Variants in PACSIN3 observed in about 807,000 individuals in gnomAD.
PACSIN3 encodes protein kinase C and casein kinase substrate in neurons protein 3.
A neutral mutation model predicts 56.1 loss-of-function variants in PACSIN3; 34 were observed. That is an observed-to-expected ratio of 0.61 (90% CI 0.46 to 0.81). The LOEUF is 0.81. Ranked by LOEUF, PACSIN3 falls within the 30% of genes least tolerant of loss-of-function variation. The probability of loss-of-function intolerance (pLI) is 0.00; values close to 1 mark genes in which losing one functional copy is unlikely to be tolerated. For missense variants in PACSIN3, 535 were observed against 592.4 expected, an observed-to-expected ratio of 0.90 and a Z score of 1.01; for synonymous variants, 218 against 229.8, an observed-to-expected ratio of 0.95 and a Z score of 0.46.
At position 47,177,954 on chromosome 11, in the gene PACSIN3, A is replaced by G; in HGVS notation, c.1252T>C (p.Tyr418His). ...SGRIGLYPAN[Y>H]VECVGA The stretch of plus-strand genomic sequence containing the variant: ...ACTCAGGCGCCCACACACTCCACGT[A>G]GTTGGCAGGGTACAGGCCAATGCGG... The change falls in exon 11 of 11, where the codon TAC (tyrosine) becomes CAC (histidine). Residue 418 changes from tyrosine (Y) to histidine (H), a missense_variant. By Grantham distance (83) the Tyr-to-His change is moderately conservative (BLOSUM62 2). Transcript: ENST00000298838. The G allele has an allele frequency of 6.2e-7, 1 of 1,613,770 alleles. No homozygotes were observed. The highest frequency in any genetic ancestry group is 1.7e-5 in the Admixed American group (1 of 60,028).
chr11:47,179,214 C>A lies in PACSIN3; in HGVS notation c.845G>T (p.Arg282Leu). ...IEAASDEEDL[R>L]WWRSTHGPGM... is the part of the protein sequence containing the mutation. ...TGGCCCGTGGGTGCTGCGCCACCAG[C>A]GCAGATCCTCTTCGTCACTGGCTGC... is the stretch of plus-strand genomic sequence containing the variant. The change falls in exon 8 of 11, where the codon CGC becomes CTC. Residue 282 changes from arginine (R) to leucine (L), a missense_variant. Coordinates refer to ENST00000298838, the MANE Select transcript of PACSIN3 (RefSeq NM_016223.5). The surrounding 1 kb of genome is among the most constrained non-coding windows in gnomAD (Gnocchi z 4.4). 6.2e-7 allele frequency: 1 copy of A among 1,614,008 alleles called. No homozygotes were observed. Among genetic ancestry groups the A allele is most frequent in the Non-Finnish European group, 8.5e-7 (1 of 1,180,028 alleles).
At position 47,182,275 on chromosome 11, in the gene PACSIN3, G is replaced by A. The variant is rs1953040041; in HGVS notation, c.211+128C>T. On this transcript the variant is annotated intron_variant, in intron 4 of 10. Transcript: ENST00000298838. ...ACACCACAGCCATGAGGATGACCAG[G>A]AGGATCTTCCCTTTCTAAGGGAGGG... 3.0e-5 allele frequency: 26 copies of A among 858,364 alleles called. No homozygotes were observed. The East Asian group carries it at 6.7e-4, about 22-fold the overall frequency. The allele number at this position is 858,364 out of a possible 1,614,324, so 53.2% of individuals were successfully genotyped here. A position where few individuals can be genotyped will look rare whatever the true frequency, so the allele number is the denominator to read the frequency against.
intron 1 of PACSIN3, among the ~76,000 whole-genome samples, chr11:47,183,810 T>C (rs1293894541): frequency 6.6e-6 from 1 of 152,072 alleles, no homozygotes; most frequent in Non-Finnish European, 1.5e-5. Flanking sequence ...TCACCTGAGG[T>C]CAGGAGTTCC....
intron 4 of PACSIN3, among the ~76,000 whole-genome samples, chr11:47,180,946 T>C (rs542677617): frequency 1.3e-5 from 2 of 152,260 alleles, no homozygotes; most frequent in South Asian, 4.1e-4. Context: ...AGATGTGAAC[T>C]CGCCCAAAGC....
chr11:47,177,780 C>T lies in PACSIN3; in HGVS notation c.*151G>A, dbSNP rs925903213. Reference sequence around the variant, plus strand: ...CCAGTCCCTTCCCTAGACAAAGGCCCCTCCCCTCCCTGGGTCCCAGGACTT... The same window carrying T: ...CCAGTCCCTTCCCTAGACAAAGGCCTCTCCCCTCCCTGGGTCCCAGGACTT... On this transcript the variant is annotated 3_prime_UTR_variant, in exon 11 of 11. Coordinates refer to ENST00000298838, the MANE Select transcript of PACSIN3 (RefSeq NM_016223.5). The T allele has an allele frequency of 2.1e-5, 14 of 680,164 alleles. No individual in the cohort carries two copies. In the South Asian group the frequency reaches 2.3e-4, roughly 11 times the overall value. 42.1% of individuals were successfully genotyped at this position (680,164 alleles called of 1,614,324 possible).
In PACSIN3 at chr11:47,182,387, C is replaced by T. The variant is rs1207366036; in HGVS notation, c.211+16G>A. The T allele has an allele frequency of 1.3e-5, 20 of 1,586,234 alleles. No individual in the cohort carries two copies. Among genetic ancestry groups the T allele is most frequent in the Admixed American group, 1.7e-5 (1 of 59,584 alleles). The stretch of plus-strand genomic sequence containing the variant: ...GCACTCAGCTGCCCTCTGCCCCCTG[C>T]GAGGGCCTGGCTCACCCTTCTCCAC... On this transcript the variant is annotated intron_variant, in intron 4 of 10. Coordinates refer to ENST00000298838, the MANE Select transcript of PACSIN3 (RefSeq NM_016223.5).
chr11:47,184,772 G>A (rs1953089148), intron 1 of PACSIN3, among the ~76,000 whole-genome samples: 1 of 152,200 alleles, frequency 6.6e-6, no homozygotes, highest in Non-Finnish European at 1.5e-5. Context: ...CTGCTGCCAT[G>A]AATCACAGGG....
chr11:47,180,772 G>C, intron 4 of PACSIN3, 82 bp from the exon 5 acceptor site: 2 of 1,105,528 alleles, frequency 1.8e-6, no homozygotes, highest in Non-Finnish European at 2.6e-6. Context: ...GTGAGGCATG[G>C]AGGCATGGGG....
At position 47,179,349 on chromosome 11, in the gene PACSIN3, TC is replaced by T; in HGVS notation, c.779+61del. 6.2e-7 allele frequency: 1 copy of T among 1,613,176 alleles called. No individual in the cohort carries two copies. The highest frequency in any genetic ancestry group is 8.5e-7 in the Non-Finnish European group (1 of 1,179,452). On this transcript the variant is annotated intron_variant, in intron 7 of 10. Coordinates refer to ENST00000298838, the MANE Select transcript of PACSIN3 (RefSeq NM_016223.5). The surrounding 1 kb of genome is among the most constrained non-coding windows in gnomAD (Gnocchi z 4.4). ...GCATCCCTCAGTCCCAGCCAGGGCC[TC>T]GGGGAGATGGAGGAGACCCAGTACT... is the stretch of plus-strand genomic sequence containing the variant.
rs762104342 is a variant in PACSIN3 at position 47,179,143 on chromosome 11, C to G, written c.900+16G>C. On this transcript the variant is annotated intron_variant, in intron 8 of 10. Transcript: ENST00000298838. This position sits in a 1 kb window ranked among gnomAD's most constrained non-coding sequence, Gnocchi z 4.4. ...CCCATCCCACCTCCCATCCCCACCCCGCCTGGAACACATGCCTCGAACTGT... is the reference window on the plus strand; with the variant it reads ...CCCATCCCACCTCCCATCCCCACCCGGCCTGGAACACATGCCTCGAACTGT... 6.2e-7 allele frequency: 1 copy of G among 1,613,392 alleles called. No individual in the cohort carries two copies. Among genetic ancestry groups the G allele is most frequent in the South Asian group, 1.1e-5 (1 of 91,076 alleles).
chr11:47,179,210 C>G lies in PACSIN3; in HGVS notation c.849G>C (p.Trp283Cys). ...TGCCTGGCCCGTGGGTGCTGCGCCACCAGCGCAGATCCTCTTCGTCACTGG... is the reference window on the plus strand; with the variant it reads ...TGCCTGGCCCGTGGGTGCTGCGCCAGCAGCGCAGATCCTCTTCGTCACTGG... ...EAASDEEDLR[W>C]WRSTHGPGMA... Residue 283 changes from tryptophan to cysteine, a missense_variant, in exon 8 of 11, where the codon TGG becomes TGC. Coordinates refer to ENST00000298838, the MANE Select transcript of PACSIN3 (RefSeq NM_016223.5). This position sits in a 1 kb window ranked among gnomAD's most constrained non-coding sequence, Gnocchi z 4.4. 6 of 1,613,980 alleles carry G rather than the reference C, an allele frequency of 3.7e-6. No homozygotes were observed. Among genetic ancestry groups the G allele is most frequent in the South Asian group, 1.1e-5 (1 of 91,086 alleles).
chr11:47,180,932 C>A (rs1466685323), intron 4 of PACSIN3, among the ~76,000 whole-genome samples: 1 of 152,208 alleles, frequency 6.6e-6, no homozygotes, highest in African/African-American at 2.4e-5. Context: ...ACACTGAGGA[C>A]CAGAGATGTG....
chr11:47,179,493 C>T lies in PACSIN3; in HGVS notation c.697G>A (p.Ala233Thr), dbSNP rs762324925. 2.4e-5 allele frequency: 38 copies of T among 1,613,860 alleles called. No homozygotes were observed. The highest frequency in any genetic ancestry group is 2.2e-4 in the Admixed American group (13 of 60,006). ...AAAAGAAGCCGCTGGCGCTCGGCGGCCTGGCAGGTCTCAAAGGCCTGTTCC... is the reference window on the plus strand; with the variant it reads ...AAAAGAAGCCGCTGGCGCTCGGCGGTCTGGCAGGTCTCAAAGGCCTGTTCC... ...DMEQAFETCQ[A>T]AERQRLLFFK... is the part of the protein sequence containing the mutation. The change falls in exon 7 of 11, where the codon GCC (alanine) becomes ACC (threonine). Residue 233 changes from alanine (A) to threonine (T), a missense_variant. Coordinates refer to ENST00000298838, the MANE Select transcript of PACSIN3 (RefSeq NM_016223.5). This position sits in a 1 kb window ranked among gnomAD's most constrained non-coding sequence, Gnocchi z 4.4.
intron 4 of PACSIN3, among the ~76,000 whole-genome samples, chr11:47,180,978 G>C (rs1953012241): frequency 6.6e-6 from 1 of 152,194 alleles, no homozygotes; most frequent in Admixed American, 6.5e-5. Flanking sequence ...AACAGGAGCT[G>C]AGGGCCGGGC....
At chr11:47,180,162 A>G (rs1952987135) in intron 6 of PACSIN3, 24 bp downstream of exon 6, 1 of 1,595,204 alleles carries the variant, frequency 6.3e-7, no homozygotes, top group African/African-American at 1.3e-5. Context: ...GGCGGGGGCC[A>G]GGGCTGGGAC....
At position 47,179,424 on chromosome 11, in the gene PACSIN3, A is replaced by C. The variant is rs1952970766; in HGVS notation, c.766T>G (p.Ser256Ala). The C allele has an allele frequency of 2.5e-6, 4 of 1,614,064 alleles. No individual in the cohort carries two copies. Among genetic ancestry groups the C allele is most frequent in the Non-Finnish European group, 3.4e-6 (4 of 1,180,002 alleles). ...GGCAGTTCATACTTCTCACTGCTGG[A>C]AAGGTCCAGGTGCTGGTGTAAGGTG... ...LLTLHQHLDL[S>A]SSEKFHELHR... The change falls in exon 7 of 11, where the codon TCC (serine) becomes GCC (alanine). Residue 256 changes from serine (S) to alanine (A), a missense_variant. Ser to Ala is a moderately conservative substitution (Grantham distance 99, BLOSUM62 1). Coordinates refer to ENST00000298838, the MANE Select transcript of PACSIN3 (RefSeq NM_016223.5). This position sits in a 1 kb window ranked among gnomAD's most constrained non-coding sequence, Gnocchi z 4.4.
intron 4 of PACSIN3, 117 bp downstream of exon 4, chr11:47,182,286 C>A: frequency 1.0e-6 from 1 of 996,000 alleles, no homozygotes. Flanking sequence ...AGGATCTTCC[C>A]TTTCTAAGGG....
chr11:47,182,487 A>G lies in PACSIN3; in HGVS notation c.127T>C (p.Phe43Leu), dbSNP rs759292322. 20 of 1,610,786 alleles carry G rather than the reference A, an allele frequency of 1.2e-5. No individual in the cohort carries two copies. The Admixed American group carries it at 3.3e-4, about 27-fold the overall frequency. ...TTCTCGATGCGGGCGCGCTCCTGGAAGCAGCTGACCAGGTCCCCGCACAGC... is the reference window on the plus strand; with the variant it reads ...TTCTCGATGCGGGCGCGCTCCTGGAGGCAGCTGACCAGGTCCCCGCACAGC... Reference protein sequence around the residue: ...HRLCGDLVSCFQERARIEKAY... With the variant: ...HRLCGDLVSCLQERARIEKAY... Residue 43 changes from phenylalanine (F) to leucine (L), a missense_variant, in exon 4 of 11, where the codon TTC becomes CTC. Phe to Leu is a conservative substitution (Grantham distance 22, BLOSUM62 0). Coordinates refer to ENST00000298838, the MANE Select transcript of PACSIN3 (RefSeq NM_016223.5).
chr11:47,182,662 C>A lies in PACSIN3; in HGVS notation c.54+12G>T, dbSNP rs766567091. 6.2e-7 allele frequency: 1 copy of A among 1,610,676 alleles called. No individual in the cohort carries two copies. The highest frequency in any genetic ancestry group is 1.1e-5 in the South Asian group (1 of 90,534). On this transcript the variant is annotated intron_variant, in intron 3 of 10. Coordinates refer to ENST00000298838, the MANE Select transcript of PACSIN3 (RefSeq NM_016223.5). ...CTAGACAAGTAGCTGAGCCCAGGAC[C>A]CAGCTGCTCACCTCCCAGAAACTGC...
Sources: gnomAD v4.1 joint callset for allele counts (sites outside exome capture counted in the v4.1 genomes callset) on GRCh38, gnomAD v4.1.1 for gene constraint, Gnocchi (gnomAD v3.1) non-coding constraint, MANE v1.5 for transcripts, NCBI Gene and HGNC (gene_info 2026-07-23, HGNC 2026-07-21) for gene names.